Variants in GREB1 observed in about 807,000 individuals in gnomAD.
The protein encoded by GREB1 is growth regulating estrogen receptor binding 1.
A neutral mutation model predicts 200.7 loss-of-function variants in GREB1; 106 were observed. The ratio of observed to expected loss-of-function variants is 0.53; its 90% CI spans 0.45 to 0.62. GREB1 has a LOEUF of 0.62. GREB1 is among the 20% of genes least tolerant of loss of function. The pLI is 0.00. For synonymous variants in GREB1, 1,132 were observed against 1,092.4 expected, an observed-to-expected ratio of 1.04 and a Z score of -0.72; for missense variants, 2,243 against 2,556.8, an observed-to-expected ratio of 0.88 and a Z score of 2.65.
intron 13 of GREB1, among the ~76,000 whole-genome samples, chr2:11,596,933 C>CG (rs1681320420): frequency 3.2e-5 from 1 of 31,162 alleles, no homozygotes; most frequent in Admixed American, 3.3e-4. Flanking sequence ...TGAGAGGGGG[C>CG]GGGGGCGCAG....
At chr2:11,517,245 C>T (rs115752954) in intron 1 of GREB1, among the ~76,000 whole-genome samples, 5 of 152,150 alleles carry the variant, frequency 3.3e-5, no homozygotes, top group African/African-American at 9.7e-5. Flanking sequence ...TTGTCTGAGT[C>T]GGTGTTGTGC....
intron 7 of GREB1, among the ~76,000 whole-genome samples, chr2:11,582,295 G>A (rs551779002): frequency 6.6e-5 from 10 of 152,218 alleles, no homozygotes; most frequent in Non-Finnish European, 1.5e-4. Flanking sequence ...TCCGTGGAGG[G>A]GTGTGGGAGA....
At chr2:11,620,760 A>C (rs994096680) in intron 22 of GREB1, 145 bp from the exon 23 acceptor site, 11 of 587,846 alleles carry the variant, frequency 1.9e-5, no homozygotes, top group Non-Finnish European at 3.1e-5. Context: ...TTCCCTTCAA[A>C]TATCTTTGCA....
At chr2:11,504,647 G>A (rs899556923) in intron 1 of GREB1, among the ~76,000 whole-genome samples, 2 of 152,208 alleles carry the variant, frequency 1.3e-5, no homozygotes, top group African/African-American at 4.8e-5. Flanking sequence ...CTAGTGTAAT[G>A]TTTTCAAGTT....
At chr2:11,593,151 G>A (rs746849467) in intron 11 of GREB1, 25 bp downstream of exon 11, 2 of 1,484,252 alleles carry the variant, frequency 1.3e-6, no homozygotes, top group South Asian at 1.3e-5. Flanking sequence ...GCGCGGCTGC[G>A]GGAAAGCCCC....
intron 1 of GREB1, among the ~76,000 whole-genome samples, chr2:11,484,598 A>C (rs1357517696): frequency 6.6e-6 from 1 of 151,460 alleles, no homozygotes; most frequent in Non-Finnish European, 1.5e-5. Context: ...AAAACAAAAA[A>C]AAAAAAAAAA....
chr2:11,494,051 A>G (rs551402934), intron 1 of GREB1, among the ~76,000 whole-genome samples: 90 of 152,358 alleles, frequency 5.9e-4, no homozygotes, highest in African/African-American at 2.1e-3. Flanking sequence ...GTGGTAAGCC[A>G]GAGTGTGGTA....
chr2:11,541,563 A>G (rs1049970642), intron 1 of GREB1, among the ~76,000 whole-genome samples: 3 of 152,066 alleles, frequency 2.0e-5, no homozygotes, highest in African/African-American at 4.8e-5. Context: ...ACTCTTTCCA[A>G]AGCCCGAGGT....
chr2:11,518,649 T>C (rs1673595299), intron 1 of GREB1, among the ~76,000 whole-genome samples: 1 of 151,670 alleles, frequency 6.6e-6, no homozygotes, highest in Admixed American at 6.6e-5. Context: ...TAAAATGATT[T>C]ACATTAGATT....
chr2:11,540,374 A>G (rs1674637210), intron 1 of GREB1, among the ~76,000 whole-genome samples: 1 of 152,224 alleles, frequency 6.6e-6, no homozygotes, highest in Admixed American at 6.5e-5. Context: ...GATTCAAAAC[A>G]CTGCTTGGGC....
intron 1 of GREB1, among the ~76,000 whole-genome samples, chr2:11,523,512 A>C (rs1673772852): frequency 6.6e-6 from 1 of 152,210 alleles, no homozygotes; most frequent in Non-Finnish European, 1.5e-5. Flanking sequence ...GTTGATTGGT[A>C]CGGCTTCTGT....
intron 17 of GREB1, among the ~76,000 whole-genome samples, chr2:11,606,185 C>T (rs1174642144): frequency 6.6e-6 from 1 of 152,156 alleles, no homozygotes; most frequent in Non-Finnish European, 1.5e-5. Context: ...ATGGGTTTCA[C>T]GTCTAGAAAA....
rs756387435 is a variant in GREB1 at position 11,556,692 on chromosome 2, G to T, written c.78G>T (p.Leu26=). 28 of 1,613,852 alleles carry T rather than the reference G, an allele frequency of 1.7e-5. No homozygotes were observed. The highest frequency in any genetic ancestry group is 2.3e-5 in the Non-Finnish European group (27 of 1,179,852). ...TGCACAATTCCATCGAGGCATCCCT[G>T]CGGTCCAACAACCTGGTGCCCAGGC... ...EVLHNSIEAS[L]RSNNLVPRPI... The change falls in exon 2 of 33, where the codon CTG becomes CTT. Residue 26 remains leucine (L), a synonymous_variant. Coordinates refer to ENST00000381486, the MANE Select transcript of GREB1 (RefSeq NM_014668.4).
intron 7 of GREB1, among the ~76,000 whole-genome samples, chr2:11,584,280 T>G (rs1323941621): frequency 2.0e-5 from 3 of 152,220 alleles, no homozygotes; most frequent in African/African-American, 7.2e-5. Flanking sequence ...TTTTGAACCA[T>G]TCACGAAGAT....
Position 11,640,250 on chromosome 2 carries a change from T to G in GREB1, c.5687-41T>G. ...GGCAGCCGCTTTCCTCTGGATAAAC[T>G]CACCTTTTCCCTTCCCACACCTCTG... On this transcript the variant is annotated intron_variant, in intron 32 of 32. Coordinates refer to ENST00000381486, the MANE Select transcript of GREB1 (RefSeq NM_014668.4). This position sits in a 1 kb window ranked among gnomAD's most constrained non-coding sequence, Gnocchi z 4.6. 6.3e-7 allele frequency: 1 copy of G among 1,581,236 alleles called. No individual in the cohort carries two copies. The highest frequency in any genetic ancestry group is 1.9e-5 in the Admixed American group (1 of 53,832).
In GREB1 at chr2:11,618,700, T is replaced by C. The variant is rs2148356461; in HGVS notation, c.3825T>C (p.Ser1275=). Residue 1275 remains serine (S), a synonymous_variant, in exon 22 of 33, where the codon AGT becomes AGC. Coordinates refer to ENST00000381486, the MANE Select transcript of GREB1 (RefSeq NM_014668.4). ...VYDMVVSTDS[S]GLPKAASLLP... ...ACATGGTTGTGTCCACTGACAGCAG[T>C]GGCCTGCCCAAGGCCGCCTCCCTCC... 6.2e-7 allele frequency: 1 copy of C among 1,613,752 alleles called. No individual in the cohort carries two copies. The highest frequency in any genetic ancestry group is 8.5e-7 in the Non-Finnish European group (1 of 1,179,946).
intron 2 of GREB1, among the ~76,000 whole-genome samples, chr2:11,560,233 T>C (rs993231105): frequency 2.6e-5 from 4 of 152,210 alleles, no homozygotes; most frequent in Non-Finnish European, 5.9e-5. Flanking sequence ...TGGCCCAGGC[T>C]AGTATGGAAA....
At chr2:11,627,144 C>T (rs775140758) in intron 25 of GREB1, 40 bp downstream of exon 25, 1 of 1,529,642 alleles carries the variant, frequency 6.5e-7, no homozygotes, top group Non-Finnish European at 8.8e-7. Context: ...TTCACCTTGG[C>T]TCACATTGTC....
Position 11,595,303 on chromosome 2 carries a change from C to A in GREB1, c.1749C>A (p.Tyr583Ter). Reference sequence around the variant, plus strand: ...AGAGCCTTCTCACTCCTGCGGAGTACCAGAAGGAAGTCAATTACGAGCTGG... The same window carrying A: ...AGAGCCTTCTCACTCCTGCGGAGTAACAGAAGGAAGTCAATTACGAGCTGG... ...LSESLLTPAE[Y>*]QKEVNYELVT... The change falls in exon 12 of 33, where the codon TAC (tyrosine) becomes TAA (stop). Residue 583 changes from tyrosine (Y) to a stop codon, truncating the protein, a stop_gained. Transcript: ENST00000381486. LOFTEE classifies it high-confidence loss of function. 4 of 1,613,520 alleles carry A rather than the reference C, an allele frequency of 2.5e-6. No individual in the cohort carries two copies. Among genetic ancestry groups the A allele is most frequent in the Non-Finnish European group, 3.4e-6 (4 of 1,179,476 alleles).
Sources: gnomAD v4.1 joint callset for allele counts (sites outside exome capture counted in the v4.1 genomes callset) on GRCh38, gnomAD v4.1.1 for gene constraint, Gnocchi (gnomAD v3.1) non-coding constraint, MANE v1.5 for transcripts, NCBI Gene and HGNC (gene_info 2026-07-23, HGNC 2026-07-21) for gene names.